CHSY3: variants seen among roughly 807,000 people sequenced by gnomAD.
The protein encoded by CHSY3 is N-acetylgalactosaminyl-proteoglycan 3-beta-glucuronosyltransferase 3.
In CHSY3, 35 loss-of-function variants were observed where a neutral mutation model predicts 67.2. That is an observed-to-expected ratio of 0.52 (90% confidence interval 0.40 to 0.69). The LOEUF is 0.69. Ranked by LOEUF, CHSY3 falls within the 30% of genes least tolerant of loss-of-function variation. CHSY3 has a pLI of 0.00. For missense variants in CHSY3, 1,069 were observed against 1,138.5 expected, an observed-to-expected ratio of 0.94 and a Z score of 0.88; for synonymous variants, 474 against 434.7, an observed-to-expected ratio of 1.09 and a Z score of -1.12.
intron 2 of CHSY3, among the ~76,000 whole-genome samples, chr5:130,143,734 G>GTGTGTATATATATA (rs1223966105): frequency 2.4e-4 from 23 of 94,662 alleles, no homozygotes; most frequent in Non-Finnish European, 4.2e-4. Context: ...GTGTGTGTGT[G>GTGTGTATATATATA]TATATATATA....
intron 2 of CHSY3, among the ~76,000 whole-genome samples, chr5:130,047,204 T>G (rs1187275819): frequency 1.3e-5 from 2 of 152,062 alleles, no homozygotes; most frequent in Non-Finnish European, 2.9e-5. Context: ...AAAGAGGAAC[T>G]ATTTTCTTCA....
At chr5:130,018,253 T>C (rs1385445681) in intron 2 of CHSY3, among the ~76,000 whole-genome samples, 1 of 152,218 alleles carries the variant, frequency 6.6e-6, no homozygotes, top group Non-Finnish European at 1.5e-5. Flanking sequence ...TAAATCTTAT[T>C]GTTTAAATCT....
chr5:129,943,040 G>T (rs914334378), intron 2 of CHSY3, among the ~76,000 whole-genome samples: 1 of 151,964 alleles, frequency 6.6e-6, no homozygotes, highest in African/African-American at 2.4e-5. Context: ...ATATATATTG[G>T]CACATTGAAC....
At chr5:130,062,530 T>G (rs1045824112) in intron 2 of CHSY3, among the ~76,000 whole-genome samples, 1 of 152,142 alleles carries the variant, frequency 6.6e-6, no homozygotes, top group South Asian at 2.1e-4. Context: ...AGCAAGCACA[T>G]GTACCCCCTG....
rs192535615 is a variant in CHSY3, at chr5:130,186,353, T to C, written c.*562T>C. On this transcript the variant is annotated 3_prime_UTR_variant, in exon 3 of 3. Coordinates refer to ENST00000305031, the MANE Select transcript of CHSY3 (RefSeq NM_175856.5). The stretch of plus-strand genomic sequence containing the variant: ...TGAATACCTATGATTGTATGTTTAT[T>C]TTTTAAAAAAAGTTTTAAAAATTGA... 6.5e-6 allele frequency: 1 copy of C among 152,816 alleles called. No individual in the cohort carries two copies. Among genetic ancestry groups the C allele is most frequent in the South Asian group, 2.1e-4 (1 of 4,826 alleles). 9.5% of individuals were successfully genotyped at this position (152,816 alleles called of 1,614,324 possible).
At chr5:129,965,381 A>G (rs1198906168) in intron 2 of CHSY3, among the ~76,000 whole-genome samples, 2 of 151,970 alleles carry the variant, frequency 1.3e-5, no homozygotes, top group African/African-American at 4.8e-5. Flanking sequence ...AGAATTTCCA[A>G]ATTACATTTC....
chr5:130,054,289 C>A lies in CHSY3; in HGVS notation c.1087-129940C>A, dbSNP rs1371256108. 2.6e-5 allele frequency among the ~76,000 whole-genome samples: 4 copies of A among 152,170 alleles called. No homozygotes were observed. The South Asian group carries it at 8.3e-4, about 32-fold the overall frequency. On this transcript the variant is annotated intron_variant, in intron 2 of 2. Transcript: ENST00000305031. ...TAGTTGATTTTTATTATGGATATAG[C>A]CTCCTATTTCCCTGATGATATTAAT...
intron 2 of CHSY3, among the ~76,000 whole-genome samples, chr5:129,933,488 T>C (rs954757294): frequency 1.7e-5 from 2 of 114,824 alleles, no homozygotes; most frequent in Non-Finnish European, 4.2e-5. Context: ...GAATATTATA[T>C]TTAAAATACT....
At chr5:130,062,217 TA>T (rs1372568320) in intron 2 of CHSY3, among the ~76,000 whole-genome samples, 2 of 152,142 alleles carry the variant, frequency 1.3e-5, no homozygotes, top group African/African-American at 4.8e-5. Context: ...ATGGCCATTT[TA>T]ATAAAGAGTG....
At chr5:130,181,178 G>A (rs570119126) in intron 2 of CHSY3, among the ~76,000 whole-genome samples, 4 of 152,202 alleles carry the variant, frequency 2.6e-5, no homozygotes, top group Admixed American at 6.5e-5. Flanking sequence ...TTTCTTTGCC[G>A]TGTAATGTTC....
chr5:129,993,711 T>C (rs1048622749), intron 2 of CHSY3, among the ~76,000 whole-genome samples: 3 of 152,138 alleles, frequency 2.0e-5, no homozygotes, highest in Admixed American at 2.0e-4. Context: ...CCCATTTACA[T>C]TTAAAGTTAA....
At chr5:130,117,396 C>T (rs1356312007) in intron 2 of CHSY3, among the ~76,000 whole-genome samples, 1 of 152,142 alleles carries the variant, frequency 6.6e-6, no homozygotes, top group South Asian at 2.1e-4. Flanking sequence ...AAAGAAGTTC[C>T]ATTTGAGATC....
intron 2 of CHSY3, among the ~76,000 whole-genome samples, chr5:130,138,370 C>G (rs1226480361): frequency 6.6e-6 from 1 of 152,162 alleles, no homozygotes; most frequent in Non-Finnish European, 1.5e-5. Context: ...GGTAGGCAGG[C>G]TTTGTCCAGA....
chr5:130,062,768 A>T (rs1281493548), intron 2 of CHSY3, among the ~76,000 whole-genome samples: 1 of 151,020 alleles, frequency 6.6e-6, no homozygotes, highest in Non-Finnish European at 1.5e-5. Context: ...AGAGTTTATG[A>T]AGTTTTTTTT....
intron 2 of CHSY3, among the ~76,000 whole-genome samples, chr5:130,069,396 A>G (rs901202318): frequency 5.9e-5 from 9 of 152,058 alleles, no homozygotes; most frequent in Non-Finnish European, 1.2e-4. Context: ...CATGCCTGTA[A>G]TCCCAACATT....
intron 2 of CHSY3, among the ~76,000 whole-genome samples, chr5:130,076,476 C>T (rs1214468821): frequency 6.6e-6 from 1 of 151,274 alleles, no homozygotes; most frequent in Non-Finnish European, 1.5e-5. Flanking sequence ...TTTTGGTATC[C>T]TGCGTCTTAT....
At chr5:130,041,339 C>G (rs1456715238) in intron 2 of CHSY3, among the ~76,000 whole-genome samples, 1 of 152,128 alleles carries the variant, frequency 6.6e-6, no homozygotes, top group Non-Finnish European at 1.5e-5. Context: ...TCCTGACACT[C>G]TGTTCCAAGA....
chr5:129,920,288 G>A (rs1220010496), intron 2 of CHSY3, among the ~76,000 whole-genome samples: 1 of 152,190 alleles, frequency 6.6e-6, no homozygotes, highest in Non-Finnish European at 1.5e-5. Flanking sequence ...CTGTCACCGA[G>A]GCTGTAGTGC....
intron 2 of CHSY3, among the ~76,000 whole-genome samples, chr5:129,987,628 G>A (rs1255713248): frequency 2.0e-5 from 3 of 152,134 alleles, no homozygotes; most frequent in Non-Finnish European, 4.4e-5. Flanking sequence ...GTACTGTTCT[G>A]TAGGTTGGTT....
Sources: allele counts gnomAD v4.1 joint callset (sites outside exome capture counted in the v4.1 genomes callset), GRCh38; gene constraint gnomAD v4.1.1; transcripts MANE v1.5; gene names NCBI Gene and HGNC (gene_info 2026-07-23, HGNC 2026-07-21).